SNX2: variants seen among roughly 807,000 people sequenced by gnomAD.
The protein encoded by SNX2 is sorting nexin-2.
A neutral mutation model predicts 69.9 loss-of-function variants in SNX2; 25 were observed. That is an observed-to-expected ratio of 0.36 (90% CI 0.26 to 0.50). The LOEUF is 0.50. Ranked by LOEUF, SNX2 falls within the 20% of genes least tolerant of loss-of-function variation. SNX2 has a pLI of 0.97. For synonymous variants in SNX2, 229 were observed against 200.4 expected (o/e 1.14, Z -1.20); for missense variants, 551 against 613.3 (o/e 0.90, Z 1.07).
chr5:122,805,503 A>G lies in SNX2; in HGVS notation c.643+1890A>G, dbSNP rs190428970. 3.8e-3 allele frequency among the ~76,000 whole-genome samples: 580 copies of G among 152,134 alleles called. 7 individuals are homozygous for G. The highest frequency in any genetic ancestry group is 0.012 in the African/African-American group (519 of 41,522). Reference sequence around the variant, plus strand: ...TAAAGCAATGTTATTGGTACCCTTTACAGTTTCAGAACCTAATGTATTTAG... The same window carrying G: ...TAAAGCAATGTTATTGGTACCCTTTGCAGTTTCAGAACCTAATGTATTTAG... On this transcript the variant is annotated intron_variant, in intron 6 of 14. Transcript: ENST00000379516.
intron 12 of SNX2, 46 bp from the exon 13 acceptor site, chr5:122,827,333 T>C (rs776630150): frequency 1.3e-6 from 2 of 1,509,914 alleles, no homozygotes; most frequent in African/African-American, 1.4e-5. Flanking sequence ...GACAGTACTA[T>C]ACTTTTTTTT....
In SNX2 at chr5:122,833,528, A is replaced by C. The variant is rs2150021237; in HGVS notation, c.*3880A>C. ...ACATTCTTTTTTTGATATCTGATGT[A>C]TATTTTACACTTTCATCACATCTCC... On this transcript the variant is annotated 3_prime_UTR_variant, in exon 15 of 15. Transcript: ENST00000379516. The C allele has an allele frequency of 6.6e-6, 1 of 152,282 alleles. No individual in the cohort carries two copies. Among genetic ancestry groups the C allele is most frequent in the East Asian group, 1.9e-4 (1 of 5,190 alleles). The allele number at this position is 152,282 out of a possible 1,614,324, so 9.4% of individuals were successfully genotyped here. A position where few individuals can be genotyped will look rare whatever the true frequency, so the allele number is the denominator to read the frequency against.
intron 1 of SNX2, among the ~76,000 whole-genome samples, chr5:122,784,957 G>C (rs1475942008): frequency 6.6e-6 from 1 of 152,122 alleles, no homozygotes; most frequent in East Asian, 1.9e-4. Flanking sequence ...ATCTTTTAAG[G>C]AATTTATCCA....
rs1371764187 is a variant in SNX2, at chr5:122,817,248, T to G, written c.913-32T>G. 2.5e-6 allele frequency: 4 copies of G among 1,590,006 alleles called. No individual in the cohort carries two copies. The South Asian group carries it at 4.4e-5, about 18-fold the overall frequency. ...CTAATTTACAATGGTTTGTTCTTCCTAAATTAGCTCCATTTTTCATTTTTT... is the reference window on the plus strand; with the variant it reads ...CTAATTTACAATGGTTTGTTCTTCCGAAATTAGCTCCATTTTTCATTTTTT... On this transcript the variant is annotated intron_variant, in intron 9 of 14. Coordinates refer to ENST00000379516, the MANE Select transcript of SNX2 (RefSeq NM_003100.4).
chr5:122,779,973 A>G (rs1752934955), intron 1 of SNX2, among the ~76,000 whole-genome samples: 1 of 152,222 alleles, frequency 6.6e-6, no homozygotes, highest in Admixed American at 6.5e-5. Context: ...AAAGAAAGAA[A>G]GTGCAAATAA....
At chr5:122,799,015 T>C (rs1299241337) in intron 2 of SNX2, among the ~76,000 whole-genome samples, 2 of 152,154 alleles carry the variant, frequency 1.3e-5, no homozygotes, top group African/African-American at 4.8e-5. Flanking sequence ...ATATTTTACA[T>C]TTTTGTGTGT....
At chr5:122,816,500 T>TA (rs1422103079) in intron 8 of SNX2, among the ~76,000 whole-genome samples, 2 of 152,170 alleles carry the variant, frequency 1.3e-5, no homozygotes, top group East Asian at 3.8e-4. Context: ...GCAGAATTTT[T>TA]AAAAAACTCA....
chr5:122,789,769 G>C (rs1753186060), intron 1 of SNX2, among the ~76,000 whole-genome samples: 1 of 152,164 alleles, frequency 6.6e-6, no homozygotes, highest in South Asian at 2.1e-4. Flanking sequence ...TGTGACTGAG[G>C]CCCACTTTCA....
At chr5:122,816,137 A>G (rs891615144) in intron 8 of SNX2, among the ~76,000 whole-genome samples, 166 bp downstream of exon 8, 6 of 152,140 alleles carry the variant, frequency 3.9e-5, no homozygotes, top group Non-Finnish European at 8.8e-5. Flanking sequence ...TAGTAGCAAA[A>G]TATCTTTGCT....
At chr5:122,823,717 G>GGTGTGTGT (rs10559761) in intron 11 of SNX2, among the ~76,000 whole-genome samples, 4 of 149,730 alleles carry the variant, frequency 2.7e-5, no homozygotes, top group South Asian at 2.1e-4. Context: ...TGTGTATGTG[G>GGTGTGTGT]GTGTGTGTGT....
In SNX2 at chr5:122,777,977, A is replaced by G. The variant is rs142940234; in HGVS notation, c.108+2766A>G. Among the ~76,000 whole-genome samples, 589 of 152,322 alleles carry G rather than the reference A, an allele frequency of 3.9e-3. 5 individuals carry two copies. The highest frequency in any genetic ancestry group is 0.013 in the African/African-American group (561 of 41,570). ...ATTGTATGTTAACCCATTTTTGACT[A>G]TTGGCCTCTTCCCAGACTCTTGTAA... On this transcript the variant is annotated intron_variant, in intron 1 of 14. Coordinates refer to ENST00000379516, the MANE Select transcript of SNX2 (RefSeq NM_003100.4).
At chr5:122,805,064 G>A (rs1368569527) in intron 6 of SNX2, among the ~76,000 whole-genome samples, 17 of 152,010 alleles carry the variant, frequency 1.1e-4, no homozygotes, top group Non-Finnish European at 2.5e-4. Flanking sequence ...GACCGAGATG[G>A]GCGGATCACC....
intron 11 of SNX2, among the ~76,000 whole-genome samples, chr5:122,820,537 A>T (rs1754000130): frequency 1.3e-5 from 2 of 151,922 alleles, no homozygotes; most frequent in African/African-American, 2.4e-5. Context: ...TCTCAAATAA[A>T]AAAAAAAAAG....
intron 11 of SNX2, among the ~76,000 whole-genome samples, chr5:122,824,471 C>T (rs1161652444): frequency 1.3e-5 from 2 of 151,924 alleles, no homozygotes; most frequent in Admixed American, 6.6e-5. Context: ...GAAAAGCAGA[C>T]AAAGGAGACA....
intron 6 of SNX2, 40 bp downstream of exon 6, chr5:122,803,653 T>TA: frequency 1.3e-6 from 2 of 1,517,668 alleles, no homozygotes; most frequent in East Asian, 2.3e-5. Flanking sequence ...TTGTTACTGT[T>TA]ACTAGTTCAG....
chr5:122,823,511 G>A (rs538459226), intron 11 of SNX2, among the ~76,000 whole-genome samples: 7 of 152,222 alleles, frequency 4.6e-5, no homozygotes, highest in South Asian at 2.1e-4. Context: ...TGGAAAAGCC[G>A]GTTGATGTAT....
chr5:122,791,916 A>G (rs1330092250), intron 1 of SNX2, among the ~76,000 whole-genome samples: 2 of 152,246 alleles, frequency 1.3e-5, no homozygotes, highest in Admixed American at 1.3e-4. Flanking sequence ...AACAGATAAT[A>G]CTTATAATGT....
chr5:122,826,325 A>C, intron 12 of SNX2, 132 bp downstream of exon 12: 1 of 715,376 alleles, frequency 1.4e-6, no homozygotes, highest in Non-Finnish European at 2.1e-6. Context: ...ACTGTGTTAG[A>C]ATTACTTTAA....
chr5:122,799,944 A>G (rs1753472852), intron 3 of SNX2, 89 bp downstream of exon 3: 5 of 1,041,796 alleles, frequency 4.8e-6, no homozygotes, highest in Non-Finnish European at 6.9e-6. Context: ...TTTCTAATCA[A>G]AGCCTTTTAG....
Sources: gnomAD v4.1 joint callset for allele counts (sites outside exome capture counted in the v4.1 genomes callset) on GRCh38, gnomAD v4.1.1 for gene constraint, MANE v1.5 for transcripts, NCBI Gene and HGNC (gene_info 2026-07-23, HGNC 2026-07-21) for gene names.